FSHR: variants seen among roughly 807,000 people sequenced by gnomAD.
FSHR encodes the protein follicle stimulating hormone receptor.
FSHR carries 46 observed loss-of-function variants against 52.1 expected under a neutral mutation model. The ratio of observed to expected loss-of-function variants is 0.88; its 90% CI spans 0.70 to 1.13. The LOEUF (loss-of-function observed/expected upper bound fraction) is 1.13, where lower values mean the gene tolerates loss of function less well. Among genes scored for constraint, FSHR ranks in the 50% most tolerant of loss-of-function variants. FSHR has a pLI of 0.00. For missense variants in FSHR, 964 were observed against 834.6 expected, an observed-to-expected ratio of 1.16 and a Z score of -1.91; for synonymous variants, 399 against 309.6, an observed-to-expected ratio of 1.29 and a Z score of -3.03.
intron 1 of FSHR, among the ~76,000 whole-genome samples, chr2:49,143,793 A>G (rs1672775197): frequency 6.6e-6 from 1 of 152,142 alleles, no homozygotes; most frequent in Non-Finnish European, 1.5e-5. Flanking sequence ...AAAGTTTGAG[A>G]AGTGTTACTT....
intron 1 of FSHR, among the ~76,000 whole-genome samples, chr2:49,095,844 C>A (rs1410094401): frequency 6.6e-6 from 1 of 152,036 alleles, no homozygotes; most frequent in Non-Finnish European, 1.5e-5. Context: ...ATACAAATAG[C>A]CAATAGACAT....
chr2:49,148,089 C>G (rs12465687), intron 1 of FSHR, among the ~76,000 whole-genome samples: 43,571 of 151,782 alleles, frequency 0.29, 6,548 homozygotes, highest in East Asian at 0.48. Flanking sequence ...ATTTTTTGAA[C>G]ACTTCTGTCT....
intron 1 of FSHR, among the ~76,000 whole-genome samples, chr2:49,104,933 T>C (rs1337850990): frequency 6.6e-6 from 1 of 152,040 alleles, no homozygotes; most frequent in Non-Finnish European, 1.5e-5. Context: ...TGAGGGCATG[T>C]AGAGAATGAG....
chr2:49,027,644 G>A (rs937420857), intron 2 of FSHR, among the ~76,000 whole-genome samples: 2 of 152,156 alleles, frequency 1.3e-5, no homozygotes, highest in Non-Finnish European at 2.9e-5. Flanking sequence ...GATGTCAGGA[G>A]TTTCAGACCA....
rs1041880450 is a variant in FSHR at position 49,097,354 on chromosome 2, T to C, written c.153-29064A>G. 3.3e-5 allele frequency among the ~76,000 whole-genome samples: 5 copies of C among 152,338 alleles called. No homozygotes were observed. The East Asian group carries it at 7.7e-4, about 23-fold the overall frequency. Reference sequence around the variant, plus strand: ...TCTAGTGATACATCTTCAAGTTCACTGACCTTTTTTCTGTCATGTTTATTA... The same window carrying C: ...TCTAGTGATACATCTTCAAGTTCACCGACCTTTTTTCTGTCATGTTTATTA... On this transcript the variant is annotated intron_variant, in intron 1 of 9. Coordinates refer to ENST00000406846, the MANE Select transcript of FSHR (RefSeq NM_000145.4).
chr2:48,981,393 G>A (rs1922474), intron 8 of FSHR, among the ~76,000 whole-genome samples: 31,212 of 152,096 alleles, frequency 0.21, 4,661 homozygotes, highest in African/African-American at 0.42. Context: ...ATATTTATGT[G>A]TGTGTGTGTG....
intron 1 of FSHR, among the ~76,000 whole-genome samples, chr2:49,152,162 A>G (rs1347591349): frequency 1.3e-5 from 2 of 152,150 alleles, no homozygotes; most frequent in Non-Finnish European, 1.5e-5. Flanking sequence ...CCTGGCAGGA[A>G]CTTTCTTTCC....
At position 48,962,849 on chromosome 2, in the gene FSHR, T is replaced by A. The variant is rs758214962; in HGVS notation, c.1972A>T (p.Thr658Ser). ...TGGGTGTTGTGGACAGTGGATGAAG[T>A]TTCTGTCCTATAAATTTGGGCTTGC... ...EMQAQIYRTE[T>S]SSTVHNTHPR... Residue 658 changes from threonine (T) to serine (S), a missense_variant, in exon 10 of 10, where the codon ACT becomes TCT. Coordinates refer to ENST00000406846, the MANE Select transcript of FSHR (RefSeq NM_000145.4). 7.4e-6 allele frequency: 12 copies of A among 1,614,158 alleles called. No homozygotes were observed. The highest frequency in any genetic ancestry group is 9.3e-6 in the Non-Finnish European group (11 of 1,180,014).
chr2:49,142,678 A>AAATGCCTCTAG lies in FSHR; in HGVS notation c.152+11587_152+11588insCTAGAGGCATT, dbSNP rs1213418134. ...CCTCTAGCTGCTGCATAGGGGATAG[A>AAATGCCTCTAG]CTGTTAATTCAAGTGAAACAAGGAA... On this transcript the variant is annotated intron_variant, in intron 1 of 9. Transcript: ENST00000406846. Among the ~76,000 whole-genome samples, 9 of 152,170 alleles carry AAATGCCTCTAG rather than the reference A, an allele frequency of 5.9e-5. 1 individual carries two copies. The South Asian group carries it at 1.7e-3, about 28-fold the overall frequency.
intron 1 of FSHR, among the ~76,000 whole-genome samples, chr2:49,116,284 G>C (rs1043095007): frequency 6.6e-6 from 1 of 152,150 alleles, no homozygotes; most frequent in Non-Finnish European, 1.5e-5. Flanking sequence ...TCAAACTTGA[G>C]TGTCTGAAGT....
chr2:49,076,440 G>A (rs1184998112), intron 1 of FSHR, among the ~76,000 whole-genome samples: 1 of 151,986 alleles, frequency 6.6e-6, no homozygotes, highest in Non-Finnish European at 1.5e-5. Flanking sequence ...GGAAAAACCC[G>A]CCCCCTTGAT....
intron 2 of FSHR, among the ~76,000 whole-genome samples, chr2:49,054,579 C>G (rs1668985798): frequency 1.3e-5 from 2 of 152,260 alleles, no homozygotes; most frequent in African/African-American, 4.8e-5. Context: ...AACCATGCAC[C>G]CATGCCTCTG....
intron 6 of FSHR, among the ~76,000 whole-genome samples, chr2:48,986,181 GTGTTCTCAT>G (rs1675507664): frequency 6.6e-6 from 1 of 152,102 alleles, no homozygotes; most frequent in Non-Finnish European, 1.5e-5. Flanking sequence ...TAGAATCCAT[GTGTTCTCAT>G]TGTTTAGCTC....
chr2:49,071,852 T>C (rs1669744819), intron 1 of FSHR, among the ~76,000 whole-genome samples: 1 of 152,088 alleles, frequency 6.6e-6, no homozygotes, highest in African/African-American at 2.4e-5. Context: ...CAATCAGCTC[T>C]TGTGAAAACT....
intron 1 of FSHR, among the ~76,000 whole-genome samples, chr2:49,094,830 T>TA (rs1448308662): frequency 1.3e-5 from 2 of 151,782 alleles, no homozygotes; most frequent in Non-Finnish European, 1.5e-5. Flanking sequence ...AAAAACAATA[T>TA]AAAAAATCAA....
At position 49,004,424 on chromosome 2, in the gene FSHR, C is replaced by T. The variant is rs930927733; in HGVS notation, c.374+13065G>A. Among the ~76,000 whole-genome samples the T allele has an allele frequency of 3.3e-5, 5 of 152,174 alleles. No homozygotes were observed. In the East Asian group the frequency reaches 7.7e-4, roughly 24 times the overall value. On this transcript the variant is annotated intron_variant, in intron 4 of 9. Coordinates refer to ENST00000406846, the MANE Select transcript of FSHR (RefSeq NM_000145.4). ...AGTGGTCTGCAAGATGCCAAATGTTCTTATCTTGCAGAATCACTTCCTCTT... is the reference window on the plus strand; with the variant it reads ...AGTGGTCTGCAAGATGCCAAATGTTTTTATCTTGCAGAATCACTTCCTCTT...
At chr2:49,041,977 C>G (rs892077710) in intron 2 of FSHR, among the ~76,000 whole-genome samples, 4 of 152,150 alleles carry the variant, frequency 2.6e-5, no homozygotes, top group Non-Finnish European at 5.9e-5. Context: ...GGGACTGTGT[C>G]TATAAGAAAT....
At chr2:49,051,384 G>T (rs1287890414) in intron 2 of FSHR, among the ~76,000 whole-genome samples, 1 of 152,078 alleles carries the variant, frequency 6.6e-6, no homozygotes, top group African/African-American at 2.4e-5. Flanking sequence ...CCATTTTAAT[G>T]GGTATGTAAT....
intron 4 of FSHR, among the ~76,000 whole-genome samples, chr2:49,007,882 CT>C (rs754309786): frequency 3.3e-5 from 5 of 151,654 alleles, no homozygotes; most frequent in Non-Finnish European, 5.9e-5. Flanking sequence ...TTATCTTTTC[CT>C]TTTTTTTAAG....
Sources: gnomAD v4.1 joint callset for allele counts (sites outside exome capture counted in the v4.1 genomes callset) on GRCh38, gnomAD v4.1.1 for gene constraint, MANE v1.5 for transcripts, NCBI Gene and HGNC (gene_info 2026-07-23, HGNC 2026-07-21) for gene names.